SLC35F4: variants seen among roughly 807,000 people sequenced by gnomAD.
SLC35F4 encodes solute carrier family 35 member F4, also known as chromosome 14 open reading frame 36.
SLC35F4 carries 24 observed loss-of-function variants against 44.2 expected under a neutral mutation model. That is an observed-to-expected ratio of 0.54 (90% CI 0.39 to 0.76). The LOEUF is 0.76. SLC35F4 is among the 30% of genes least tolerant of loss of function. The pLI, the probability that SLC35F4 is intolerant of heterozygous loss-of-function variation, is 0.00. For missense variants in SLC35F4, 562 were observed against 586.1 expected, an observed-to-expected ratio of 0.96 and a Z score of 0.42; for synonymous variants, 238 against 223.6, an observed-to-expected ratio of 1.06 and a Z score of -0.57.
At chr14:57,977,969 G>A (rs970742870) in intron 1 of SLC35F4, among the ~76,000 whole-genome samples, 3 of 152,176 alleles carry the variant, frequency 2.0e-5, no homozygotes, top group Non-Finnish European at 2.9e-5. Context: ...TGGTTGTTTG[G>A]TCAGGATTCA....
At position 57,594,099 on chromosome 14, in the gene SLC35F4, T is replaced by G; in HGVS notation, c.129A>C (p.Arg43Ser). Residue 43 changes from arginine to serine, a missense_variant, in exon 2 of 8, where the codon AGA becomes AGC. By Grantham distance (110) the Arg-to-Ser change is moderately radical. Transcript: ENST00000556826. The part of the protein sequence containing the change: ...QKSTSRSSVT[R>S]CKPGANCPSS... ...TGGGGCAGTTGGCTCCTGGTTTACA[T>G]CTAGTGACTGATGATCTGGAGGTAC... 1 of 1,613,882 alleles carries G rather than the reference T, an allele frequency of 6.2e-7. No individual in the cohort carries two copies. Among genetic ancestry groups the G allele is most frequent in the African/African-American group, 1.3e-5 (1 of 75,046 alleles).
intron 1 of SLC35F4, among the ~76,000 whole-genome samples, chr14:57,674,043 A>AT (rs1200948999): frequency 6.6e-6 from 1 of 151,964 alleles, no homozygotes; most frequent in African/African-American, 2.4e-5. Flanking sequence ...AGAGAAATAC[A>AT]TTTTTTTACT....
chr14:57,976,742 T>C (rs1326565177), downstream of SLC35F4: 1 of 152,246 alleles, frequency 6.6e-6, no homozygotes, highest in Non-Finnish European at 1.5e-5. Context: ...ACTTGGTATA[T>C]AGCCACTGTC....
intron 1 of SLC35F4, among the ~76,000 whole-genome samples, chr14:57,885,230 A>G (rs191009920): frequency 3.3e-5 from 5 of 152,258 alleles, no homozygotes; most frequent in Admixed American, 3.3e-4. Context: ...TAGCTGTGTC[A>G]CCATGGGCAA....
At chr14:57,927,326 C>T (rs1398770488) in intron 1 of SLC35F4, among the ~76,000 whole-genome samples, 1 of 152,188 alleles carries the variant, frequency 6.6e-6, no homozygotes, top group Non-Finnish European at 1.5e-5. Context: ...TAGGTCATAA[C>T]TAGAGGCTTC....
At chr14:57,755,359 T>C (rs1475632461) in intron 1 of SLC35F4, among the ~76,000 whole-genome samples, 1 of 152,084 alleles carries the variant, frequency 6.6e-6, no homozygotes, top group Non-Finnish European at 1.5e-5. Context: ...ACTCCTGTCA[T>C]AACCCAGAGA....
chr14:57,639,726 G>T (rs2140156089), intron 1 of SLC35F4, among the ~76,000 whole-genome samples: 1 of 152,040 alleles, frequency 6.6e-6, no homozygotes, highest in South Asian at 2.1e-4. Flanking sequence ...AATTGTCTAA[G>T]TCTACTAGTC....
intron 1 of SLC35F4, among the ~76,000 whole-genome samples, chr14:57,943,190 G>T (rs1889946438): frequency 6.6e-6 from 1 of 152,200 alleles, no homozygotes. Context: ...TATGACCTCA[G>T]TTCCTGGTGC....
intron 1 of SLC35F4, among the ~76,000 whole-genome samples, chr14:57,894,045 A>G (rs1049107769): frequency 2.6e-5 from 4 of 152,164 alleles, no homozygotes; most frequent in African/African-American, 4.8e-5. Context: ...TGCCAAAGTT[A>G]CATTAGCCAA....
intron 1 of SLC35F4, among the ~76,000 whole-genome samples, chr14:57,609,101 A>AT (rs1419304523): frequency 6.6e-6 from 1 of 152,198 alleles, no homozygotes; most frequent in East Asian, 1.9e-4. Flanking sequence ...TCGATAAACC[A>AT]TCCCAAATCT....
At chr14:57,875,651 T>C (rs892179960) in intron 1 of SLC35F4, among the ~76,000 whole-genome samples, 2 of 152,210 alleles carry the variant, frequency 1.3e-5, no homozygotes, top group Non-Finnish European at 2.9e-5. Context: ...GGCTTATTCA[T>C]GACAGCAGCA....
intron 1 of SLC35F4, among the ~76,000 whole-genome samples, chr14:57,621,124 C>T (rs1222844636): frequency 6.6e-6 from 1 of 151,722 alleles, no homozygotes; most frequent in South Asian, 2.1e-4. Context: ...TGTGAAGGAC[C>T]TCTTCAAGAA....
intron 1 of SLC35F4, among the ~76,000 whole-genome samples, chr14:57,785,843 G>A (rs184021483): frequency 1.1e-3 from 164 of 152,236 alleles, no homozygotes; most frequent in African/African-American, 3.8e-3. Context: ...AGAGAAGCAG[G>A]GGTAAGACTC....
intron 1 of SLC35F4, among the ~76,000 whole-genome samples, chr14:57,656,825 T>C (rs2073987218): frequency 6.6e-6 from 1 of 152,196 alleles, no homozygotes; most frequent in Non-Finnish European, 1.5e-5. Context: ...CAAATTCTAG[T>C]CAATTCCCCC....
At chr14:57,855,985 A>G (rs1887043359) in intron 1 of SLC35F4, among the ~76,000 whole-genome samples, 1 of 152,054 alleles carries the variant, frequency 6.6e-6, no homozygotes, top group African/African-American at 2.4e-5. Flanking sequence ...TGAGAGTTGA[A>G]CAATGAGAAC....
At chr14:57,647,367 C>T (rs1466253510) in intron 1 of SLC35F4, among the ~76,000 whole-genome samples, 1 of 152,098 alleles carries the variant, frequency 6.6e-6, no homozygotes, top group African/African-American at 2.4e-5. Flanking sequence ...GACCCCTTTA[C>T]CATTATGTGA....
At chr14:57,974,472 C>T (rs970442886), downstream of SLC35F4, among the ~76,000 whole-genome samples, 3 of 152,188 alleles carry the variant, frequency 2.0e-5, no homozygotes, top group African/African-American at 7.2e-5. Flanking sequence ...ATCAATTAAC[C>T]TGTGGCCCTC....
At chr14:57,736,476 T>A (rs761258202) in intron 1 of SLC35F4, among the ~76,000 whole-genome samples, 7 of 152,222 alleles carry the variant, frequency 4.6e-5, no homozygotes, top group Non-Finnish European at 1.0e-4. Context: ...TTAACTGGGA[T>A]AGCACAGTGG....
At chr14:57,795,036 C>T (rs1977338626) in intron 1 of SLC35F4, among the ~76,000 whole-genome samples, 1 of 152,072 alleles carries the variant, frequency 6.6e-6, no homozygotes, top group Non-Finnish European at 1.5e-5. Flanking sequence ...TTTTCCTCAT[C>T]TGTATGTTAG....
Sources: gnomAD v4.1 joint callset for allele counts (sites outside exome capture counted in the v4.1 genomes callset) on GRCh38, gnomAD v4.1.1 for gene constraint, MANE v1.5 for transcripts, NCBI Gene and HGNC (gene_info 2026-07-23, HGNC 2026-07-21) for gene names.